Variants in TNFSF11 observed in about 807,000 individuals in gnomAD.
TNFSF11 encodes the protein TNF superfamily member 11, also known as tumor necrosis factor ligand superfamily member 11.
A neutral mutation model predicts 32.2 loss-of-function variants in TNFSF11; 12 were observed. The observed-to-expected ratio is 0.37, with a 90% CI of 0.24 to 0.60. The LOEUF (loss-of-function observed/expected upper bound fraction) is 0.60, where lower values mean the gene tolerates loss of function less well. Ranked by LOEUF, TNFSF11 falls within the 20% of genes least tolerant of loss-of-function variation. TNFSF11 has a pLI of 0.66. For synonymous variants in TNFSF11, 172 were observed against 152.1 expected, an observed-to-expected ratio of 1.13 and a Z score of -0.96; for missense variants, 345 against 398.0, an observed-to-expected ratio of 0.87 and a Z score of 1.13.
intron 1 of TNFSF11, among the ~76,000 whole-genome samples, chr13:42,563,658 C>T (rs1031341817): frequency 2.8e-4 from 26 of 93,896 alleles, no homozygotes; most frequent in Admixed American, 7.9e-4. Flanking sequence ...GCAAAAACTC[C>T]GTCTCAAAAA....
upstream of TNFSF11, among the ~76,000 whole-genome samples, chr13:42,570,727 T>G (rs978869308): frequency 1.3e-5 from 2 of 152,184 alleles, no homozygotes; most frequent in African/African-American, 4.8e-5. Flanking sequence ...ACAATCACTC[T>G]CAGCTTAGGA....
chr13:42,597,340 CTTTTTTTTTTT>C (rs774612741), intron 2 of TNFSF11, among the ~76,000 whole-genome samples: 11 of 125,756 alleles, frequency 8.7e-5, no homozygotes, highest in African/African-American at 3.0e-4. Flanking sequence ...GCCTTTTGTT[CTTTTTTTTTTT>C]TTTTTTTTTT....
In TNFSF11 at chr13:42,583,417, T is replaced by TAAAAAAAAAAA. The variant is rs71747752; in HGVS notation, c.387+2135_387+2145dup. On this transcript the variant is annotated intron_variant, in intron 2 of 4. Transcript: ENST00000398795. Reference sequence around the variant, plus strand: ...CCTGGGTGACATAGCAAGACCCTGCTAAAAAAAAAAAAAAAAAAAAAGAAA... The same window carrying TAAAAAAAAAAA: ...CCTGGGTGACATAGCAAGACCCTGCTAAAAAAAAAAAAAAAAAAAAAAAAAAAAAAAAGAAA... Among the ~76,000 whole-genome samples, 14 of 24,618 alleles carry TAAAAAAAAAAA rather than the reference T, an allele frequency of 5.7e-4. 1 individual carries two copies. Among genetic ancestry groups the TAAAAAAAAAAA allele is most frequent in the Non-Finnish European group, 7.0e-4 (10 of 14,256 alleles). 16.2% of individuals were successfully genotyped at this position (24,618 alleles called of 152,430 possible). A position where few individuals can be genotyped will look rare whatever the true frequency, so the allele number is the denominator to read the frequency against.
chr13:42,592,598 T>C (rs913810526), intron 2 of TNFSF11, among the ~76,000 whole-genome samples: 4 of 152,198 alleles, frequency 2.6e-5, no homozygotes, highest in African/African-American at 7.2e-5. Context: ...CTTCATTACA[T>C]AGACATAGTT....
chr13:42,569,880 T>C (rs1481660244), upstream of TNFSF11, among the ~76,000 whole-genome samples: 2 of 152,168 alleles, frequency 1.3e-5, no homozygotes, highest in Non-Finnish European at 2.9e-5. Context: ...ATTGTAGAGA[T>C]GTGAAAAAAT....
intron 1 of TNFSF11, chr13:42,563,035 G>A (rs1454867121): frequency 6.6e-6 from 1 of 152,192 alleles, no homozygotes; most frequent in Non-Finnish European, 1.5e-5. Context: ...TCAGTCAGAT[G>A]TTTCCAGTGG....
At chr13:42,587,325 T>A (rs1424298244) in intron 2 of TNFSF11, among the ~76,000 whole-genome samples, 3 of 152,148 alleles carry the variant, frequency 2.0e-5, no homozygotes, top group Non-Finnish European at 2.9e-5. Context: ...TGAGCAGCCA[T>A]TTGTCCACAA....
chr13:42,566,086 A>G (rs1218286630), intron 1 of TNFSF11, among the ~76,000 whole-genome samples: 6 of 152,254 alleles, frequency 3.9e-5, no homozygotes, highest in Non-Finnish European at 8.8e-5. Context: ...AATTATTTAC[A>G]GCAATGAGCA....
chr13:42,585,941 AT>A (rs2137877616), intron 2 of TNFSF11, among the ~76,000 whole-genome samples: 1 of 152,346 alleles, frequency 6.6e-6, no homozygotes, highest in Non-Finnish European at 1.5e-5. Context: ...AATTGCACAA[AT>A]CACATTCTTC....
intron 4 of TNFSF11, 133 bp from the exon 5 acceptor site, chr13:42,606,364 A>C (rs1389761648): frequency 9.1e-7 from 1 of 1,099,066 alleles, no homozygotes; most frequent in Non-Finnish European, 1.3e-6. Flanking sequence ...CTAGAAAAGA[A>C]ATGCCAATAA....
At chr13:42,600,138 T>C (rs550473828) in intron 2 of TNFSF11, among the ~76,000 whole-genome samples, 1 of 152,352 alleles carries the variant, frequency 6.6e-6, no homozygotes, top group East Asian at 1.9e-4. Context: ...ATACTCTTTA[T>C]GTTTTTTCTT....
rs776693818 is a variant in TNFSF11 at position 42,574,424 on chromosome 13, C to T, written c.121C>T (p.Pro41Ser). The T allele has an allele frequency of 1.0e-5, 16 of 1,594,132 alleles. No homozygotes were observed. In the East Asian group the frequency reaches 2.3e-4, roughly 22 times the overall value. The change falls in exon 1 of 5, where the codon CCC becomes TCC. Residue 41 changes from proline (P) to serine (S), a missense_variant. Coordinates refer to ENST00000398795, the MANE Select transcript of TNFSF11 (RefSeq NM_003701.4). ...CCCGCCGCCGCCTGCGCCGCACCAG[C>T]CCCCTGCCGCCTCCCGCTCCATGTT... The part of the protein sequence containing the change: ...HAPPPPAPHQ[P>S]PAASRSMFVA...
chr13:42,567,368 C>T (rs928095795), intron 2 of TNFSF11, among the ~76,000 whole-genome samples: 1 of 152,158 alleles, frequency 6.6e-6, no homozygotes, highest in Non-Finnish European at 1.5e-5. Flanking sequence ...GATAAAATTA[C>T]TCTAAATATT....
chr13:42,572,090 T>C (rs930786057), upstream of TNFSF11, among the ~76,000 whole-genome samples: 1 of 152,156 alleles, frequency 6.6e-6, no homozygotes, highest in South Asian at 2.1e-4. Flanking sequence ...CAGCAGCAGG[T>C]AGACTGACAG....
intron 2 of TNFSF11, among the ~76,000 whole-genome samples, chr13:42,594,327 C>T (rs1868666823): frequency 6.6e-6 from 1 of 152,010 alleles, no homozygotes; most frequent in Non-Finnish European, 1.5e-5. Flanking sequence ...GGTTGATCCA[C>T]TTGCCTCAGC....
chr13:42,592,172 C>T (rs1182962926), intron 2 of TNFSF11, among the ~76,000 whole-genome samples: 1 of 152,190 alleles, frequency 6.6e-6, no homozygotes, highest in African/African-American at 2.4e-5. Context: ...TTCTGCAATT[C>T]AATTATGATA....
intron 2 of TNFSF11, among the ~76,000 whole-genome samples, chr13:42,583,139 G>A (rs1409478556): frequency 6.6e-6 from 1 of 151,964 alleles, no homozygotes; most frequent in Non-Finnish European, 1.5e-5. Context: ...GGGCAGGCAC[G>A]GTGGCTCACA....
At chr13:42,574,599 C>G (rs767838237) in intron 1 of TNFSF11, 77 bp downstream of exon 1, 1 of 1,522,872 alleles carries the variant, frequency 6.6e-7, no homozygotes, top group South Asian at 1.2e-5. Context: ...CTGAGTCTGG[C>G]GGCAGGGCTG....
intron 2 of TNFSF11, among the ~76,000 whole-genome samples, chr13:42,600,248 C>T (rs1010007927): frequency 5.3e-5 from 8 of 152,098 alleles, no homozygotes; most frequent in African/African-American, 1.9e-4. Context: ...GCTTTAAGTA[C>T]ACTGTAACTT....
Sources: gnomAD v4.1 joint callset for allele counts (sites outside exome capture counted in the v4.1 genomes callset) on GRCh38, gnomAD v4.1.1 for gene constraint, MANE v1.5 for transcripts, NCBI Gene and HGNC (gene_info 2026-07-23, HGNC 2026-07-21) for gene names.